Variants in XIRP2 observed in about 807,000 individuals in gnomAD.
XIRP2 encodes xin actin-binding repeat-containing protein 2.
In XIRP2, 236 loss-of-function variants were observed where a neutral mutation model predicts 277.0. That is an observed-to-expected ratio of 0.85 (90% CI 0.77 to 0.95). The LOEUF is 0.95. XIRP2 is among the 40% of genes least tolerant of loss of function. XIRP2 has a pLI of 0.00. For missense variants in XIRP2, 4,640 were observed against 4,157.5 expected (o/e 1.12, Z -3.19); for synonymous variants, 1,490 against 1,416.5 (o/e 1.05, Z -1.17).
chr2:167,060,683 T>C (rs1268170548), intron 2 of XIRP2, among the ~76,000 whole-genome samples: 2 of 152,198 alleles, frequency 1.3e-5, no homozygotes, highest in African/African-American at 4.8e-5. Flanking sequence ...ATTGATCATA[T>C]ATGTGTGGAT....
At chr2:166,910,144 A>T (rs1302132639) in intron 2 of XIRP2, among the ~76,000 whole-genome samples, 2 of 152,066 alleles carry the variant, frequency 1.3e-5, no homozygotes, top group African/African-American at 4.8e-5. Flanking sequence ...GTTAGGGAGG[A>T]TTCCCTCTTT....
At chr2:166,941,539 C>T (rs907479261) in intron 2 of XIRP2, among the ~76,000 whole-genome samples, 13 of 152,340 alleles carry the variant, frequency 8.5e-5, no homozygotes, top group Non-Finnish European at 1.9e-4. Context: ...GCATCACTCA[C>T]ACTGGGAGCT....
rs775788957 is a variant in XIRP2 at position 167,246,773 on chromosome 2, A to C, written c.5381A>C (p.Lys1794Thr). 6.2e-7 allele frequency: 1 copy of C among 1,613,832 alleles called. No individual in the cohort carries two copies. The highest frequency in any genetic ancestry group is 1.7e-5 in the Admixed American group (1 of 59,992). Reference sequence around the variant, plus strand: ...GAAGGTACAAAACTGTTACTGAAGAAAAGGCAGTCTCTGGTTGAACGTACT... The same window carrying C: ...GAAGGTACAAAACTGTTACTGAAGACAAGGCAGTCTCTGGTTGAACGTACT... ...DVEGTKLLLK[K>T]RQSLVERTVS... Residue 1794 changes from lysine to threonine, a missense_variant, in exon 9 of 11, where the codon AAA becomes ACA. Transcript: ENST00000409195.
intron 2 of XIRP2, among the ~76,000 whole-genome samples, chr2:167,135,526 C>T (rs114833237): frequency 0.013 from 1,940 of 152,216 alleles, 39 homozygotes; most frequent in African/African-American, 0.044. Flanking sequence ...CTGTCTTCAG[C>T]ATATAATGTT....
At chr2:167,123,583 G>C (rs969627338) in intron 2 of XIRP2, among the ~76,000 whole-genome samples, 1 of 152,060 alleles carries the variant, frequency 6.6e-6, no homozygotes, top group Admixed American at 6.6e-5. Context: ...TGTTTTCTCT[G>C]AGAGCCATAA....
At chr2:166,996,739 A>G (rs1031920908) in intron 2 of XIRP2, among the ~76,000 whole-genome samples, 1 of 152,176 alleles carries the variant, frequency 6.6e-6, no homozygotes. Flanking sequence ...CTGAACCAAG[A>G]TGATGCATTG....
intron 2 of XIRP2, among the ~76,000 whole-genome samples, chr2:166,924,974 T>G (rs1685144922): frequency 6.6e-6 from 1 of 152,140 alleles, no homozygotes; most frequent in Non-Finnish European, 1.5e-5. Context: ...TATTAAGAAT[T>G]GCTACAGTTT....
chr2:166,956,816 C>T (rs1029622959), intron 2 of XIRP2, among the ~76,000 whole-genome samples: 1 of 151,744 alleles, frequency 6.6e-6, no homozygotes, highest in African/African-American at 2.4e-5. Context: ...CTGGAAGATC[C>T]TCCCATTGGC....
intron 2 of XIRP2, among the ~76,000 whole-genome samples, chr2:167,040,898 T>C (rs946559331): frequency 5.3e-5 from 8 of 152,214 alleles, no homozygotes; most frequent in Admixed American, 2.0e-4. Context: ...TGCCAAATTG[T>C]GAGGGGCATG....
At chr2:166,971,945 T>A (rs1686588373) in intron 2 of XIRP2, among the ~76,000 whole-genome samples, 1 of 152,122 alleles carries the variant, frequency 6.6e-6, no homozygotes, top group African/African-American at 2.4e-5. Flanking sequence ...CGTGAATGAA[T>A]GTAAATATAA....
intron 2 of XIRP2, among the ~76,000 whole-genome samples, chr2:166,936,056 C>T (rs1574092788): frequency 6.6e-6 from 1 of 152,340 alleles, no homozygotes; most frequent in East Asian, 1.9e-4. Context: ...TATTTCTCCA[C>T]ATCCTCTCCA....
At chr2:167,085,613 G>T (rs1212338362) in intron 2 of XIRP2, among the ~76,000 whole-genome samples, 2 of 152,112 alleles carry the variant, frequency 1.3e-5, no homozygotes, top group Admixed American at 6.5e-5. Flanking sequence ...CTTGCTTTAT[G>T]AATCTGGGTG....
At chr2:167,149,090 C>A (rs1182929504) in intron 3 of XIRP2, among the ~76,000 whole-genome samples, 2 of 152,072 alleles carry the variant, frequency 1.3e-5, no homozygotes, top group African/African-American at 4.8e-5. Flanking sequence ...AATATGCTTA[C>A]TTCAATCTGG....
At chr2:167,148,671 A>G (rs1243237759) in intron 3 of XIRP2, among the ~76,000 whole-genome samples, 4 of 152,148 alleles carry the variant, frequency 2.6e-5, no homozygotes, top group Non-Finnish European at 5.9e-5. Context: ...ATTTTAGAAA[A>G]AGTTAGGCAT....
At chr2:167,006,110 G>A (rs932560333) in intron 2 of XIRP2, among the ~76,000 whole-genome samples, 6 of 151,796 alleles carry the variant, frequency 4.0e-5, no homozygotes, top group Non-Finnish European at 1.5e-5. Context: ...CTACCATGGT[G>A]CCTGGCAAGT....
intron 2 of XIRP2, among the ~76,000 whole-genome samples, chr2:167,088,604 C>T (rs1433294128): frequency 1.3e-5 from 2 of 152,134 alleles, no homozygotes; most frequent in Non-Finnish European, 1.5e-5. Context: ...TTAATTTGGC[C>T]ATAACATTCT....
At chr2:167,055,680 A>C (rs980160683) in intron 2 of XIRP2, among the ~76,000 whole-genome samples, 1 of 152,198 alleles carries the variant, frequency 6.6e-6, no homozygotes, top group African/African-American at 2.4e-5. Context: ...AAAGATTTGC[A>C]ATATGAGCCT....
At chr2:167,032,512 A>C (rs1006154116) in intron 2 of XIRP2, among the ~76,000 whole-genome samples, 32 of 152,200 alleles carry the variant, frequency 2.1e-4, no homozygotes, top group African/African-American at 6.8e-4. Context: ...GTGAACAGTC[A>C]ACCTGCAGAA....
intron 3 of XIRP2, among the ~76,000 whole-genome samples, chr2:167,176,656 A>G (rs140725738): frequency 6.6e-6 from 1 of 152,300 alleles, no homozygotes; most frequent in African/African-American, 2.4e-5. Flanking sequence ...ATGCCCTCTC[A>G]GTAAAGGGCA....
Sources: allele counts gnomAD v4.1 joint callset (sites outside exome capture counted in the v4.1 genomes callset), GRCh38; gene constraint gnomAD v4.1.1; transcripts MANE v1.5; gene names NCBI Gene and HGNC (gene_info 2026-07-23, HGNC 2026-07-21).